The following SPINT2 variants were observed in gnomAD, a reference collection of about 807,000 sequenced individuals.
SPINT2 encodes the protein serine peptidase inhibitor, Kunitz type 2, also known as kunitz-type protease inhibitor 2.
A neutral mutation model predicts 30.1 loss-of-function variants in SPINT2; 18 were observed. That is an observed-to-expected ratio of 0.60 (90% CI 0.41 to 0.89). The LOEUF is 0.89. SPINT2 is among the 40% of genes least tolerant of loss of function. SPINT2 has a pLI of 0.00. For missense variants in SPINT2, 276 were observed against 334.3 expected (o/e 0.83, Z 1.36); for synonymous variants, 139 against 137.9 (o/e 1.01, Z -0.05).
At chr19:38,268,993 T>C (rs1486497631) in intron 1 of SPINT2, among the ~76,000 whole-genome samples, 1 of 152,176 alleles carries the variant, frequency 6.6e-6, no homozygotes, top group Non-Finnish European at 1.5e-5. Flanking sequence ...GCCAGTTAGG[T>C]GTAGTTCTTG....
chr19:38,284,162 G>A (rs1419097260), intron 2 of SPINT2, among the ~76,000 whole-genome samples: 1 of 150,694 alleles, frequency 6.6e-6, no homozygotes, highest in Non-Finnish European at 1.5e-5. Flanking sequence ...TTTAGACAGG[G>A]TCTCACTGCA....
Position 38,290,799 on chromosome 19 carries a change from C to A in SPINT2, c.592+224C>A, listed in dbSNP as rs1054030076. On this transcript the variant is annotated intron_variant, in intron 6 of 6. Coordinates refer to ENST00000301244, the MANE Select transcript of SPINT2 (RefSeq NM_021102.4). This position sits in a 1 kb window ranked among gnomAD's most constrained non-coding sequence, Gnocchi z 4.3. ...AGTCACAAGGCAGGCCCTGCCCAGGCGGCGTGGGTGACTGGGGATGAGGTC... is the reference window on the plus strand; with the variant it reads ...AGTCACAAGGCAGGCCCTGCCCAGGAGGCGTGGGTGACTGGGGATGAGGTC... The A allele has an allele frequency of 1.5e-6, 1 of 654,726 alleles. No homozygotes were observed. The allele number at this position is 654,726 out of a possible 1,614,324, so 40.6% of individuals were successfully genotyped here.
At chr19:38,280,403 C>A (rs568970646) in intron 1 of SPINT2, among the ~76,000 whole-genome samples, 1 of 152,170 alleles carries the variant, frequency 6.6e-6, no homozygotes, top group Non-Finnish European at 1.5e-5. Flanking sequence ...TTTGCTGATT[C>A]ACATCAGCAT....
At chr19:38,267,149 G>A (rs1012750129) in intron 1 of SPINT2, among the ~76,000 whole-genome samples, 7 of 152,206 alleles carry the variant, frequency 4.6e-5, no homozygotes, top group Admixed American at 1.3e-4. Context: ...TGCTGCTGCC[G>A]ACTGGACCTA....
chr19:38,270,450 C>A (rs907409429), intron 1 of SPINT2, among the ~76,000 whole-genome samples: 1 of 152,158 alleles, frequency 6.6e-6, no homozygotes, highest in African/African-American at 2.4e-5. Context: ...AAATAGACCC[C>A]CTCCCCCATC....
chr19:38,270,549 C>T (rs1040437935), intron 1 of SPINT2, among the ~76,000 whole-genome samples: 3 of 152,146 alleles, frequency 2.0e-5, no homozygotes, highest in Non-Finnish European at 2.9e-5. Context: ...GGTTGGTGTG[C>T]TTAGCACTGA....
intron 1 of SPINT2, 56 bp downstream of exon 1, chr19:38,265,054 T>A: frequency 2.5e-5 from 25 of 984,542 alleles, no homozygotes; most frequent in Non-Finnish European, 2.9e-5. Context: ...GGCTCGGGGG[T>A]CAACGGGGGT....
Position 38,290,655 on chromosome 19 carries a change from G to A in SPINT2, c.592+80G>A, listed in dbSNP as rs1968706683. ...CTGAGCTCAGCCCTGCCCAGCTGTG[G>A]TTTACATTATCCTTCACTGTGAACA... is the stretch of plus-strand genomic sequence containing the variant. On this transcript the variant is annotated intron_variant, in intron 6 of 6. Coordinates refer to ENST00000301244, the MANE Select transcript of SPINT2 (RefSeq NM_021102.4). This position sits in a 1 kb window ranked among gnomAD's most constrained non-coding sequence, Gnocchi z 4.3. 8 of 1,532,444 alleles carry A rather than the reference G, an allele frequency of 5.2e-6. No individual in the cohort carries two copies. Among genetic ancestry groups the A allele is most frequent in the Non-Finnish European group, 6.2e-6 (7 of 1,123,942 alleles). The allele number at this position is 1,532,444 out of a possible 1,614,324, so 94.9% of individuals were successfully genotyped here.
At chr19:38,288,399 G>A in intron 3 of SPINT2, 1 of 298,704 alleles carries the variant, frequency 3.3e-6, no homozygotes, top group Non-Finnish European at 6.6e-6. Flanking sequence ...ACTGCAGCTT[G>A]TGATCTCAAG....
intron 1 of SPINT2, among the ~76,000 whole-genome samples, chr19:38,277,263 T>G (rs1280155786): frequency 6.6e-6 from 1 of 151,878 alleles, no homozygotes; most frequent in African/African-American, 2.4e-5. Context: ...TGTTTTTTTG[T>G]TTTTGAGATG....
intron 1 of SPINT2, among the ~76,000 whole-genome samples, chr19:38,280,613 A>G (rs1968569596): frequency 6.6e-6 from 1 of 152,120 alleles, no homozygotes; most frequent in African/African-American, 2.4e-5. Flanking sequence ...TCACCAAGGT[A>G]ACTGCCATCC....
rs879130477 is a variant in SPINT2, at chr19:38,290,355, G to A, written c.553+75G>A. On this transcript the variant is annotated intron_variant, in intron 5 of 6. Transcript: ENST00000301244. This position sits in a 1 kb window ranked among gnomAD's most constrained non-coding sequence, Gnocchi z 4.3. ...GTCCATCTCCCCATCCCTAAAATAT[G>A]AAGGCCTTGGAAATGCTGTTCTTGG... is the stretch of plus-strand genomic sequence containing the variant. The A allele has an allele frequency of 5.1e-6, 8 of 1,582,362 alleles. No homozygotes were observed. The South Asian group carries it at 8.0e-5, about 16-fold the overall frequency.
rs906113526 is a variant in SPINT2 at position 38,264,592 on chromosome 19, T to C, written c.-301T>C. 6 of 332,934 alleles carry C rather than the reference T, an allele frequency of 1.8e-5. No individual in the cohort carries two copies. Among genetic ancestry groups the C allele is most frequent in the East Asian group, 6.0e-5 (1 of 16,542 alleles). 20.6% of individuals were successfully genotyped at this position (332,934 alleles called of 1,614,324 possible). A position where few individuals can be genotyped will look rare whatever the true frequency, so the allele number is the denominator to read the frequency against. ...GCGTTCGCCATTGGCTCTGGCGACC[T>C]CCGCGCGTTGGGAGGTGTAGCGCGG... On this transcript the variant is annotated 5_prime_UTR_variant, in exon 1 of 7. Coordinates refer to ENST00000301244, the MANE Select transcript of SPINT2 (RefSeq NM_021102.4).
chr19:38,268,838 G>C (rs1026395718), intron 1 of SPINT2, among the ~76,000 whole-genome samples: 1 of 151,854 alleles, frequency 6.6e-6, no homozygotes, highest in African/African-American at 2.4e-5. Context: ...CTGCAGATAT[G>C]CAGGATTTTT....
Position 38,292,125 on chromosome 19 carries a change from G to A in SPINT2, c.*119G>A. 1.4e-6 allele frequency: 2 copies of A among 1,412,192 alleles called. No homozygotes were observed. Among genetic ancestry groups the A allele is most frequent in the Non-Finnish European group, 1.9e-6 (2 of 1,035,580 alleles). The allele number at this position is 1,412,192 out of a possible 1,614,324, so 87.5% of individuals were successfully genotyped here. On this transcript the variant is annotated 3_prime_UTR_variant, in exon 7 of 7. Coordinates refer to ENST00000301244, the MANE Select transcript of SPINT2 (RefSeq NM_021102.4). ...AGGGCTGAGGTCTGTTTCTCTGGGA[G>A]GTAGGACGGCTGCTTCCTGGTCTGG...
rs769923895 is a variant in SPINT2 at position 38,292,014 on chromosome 19, G to A, written c.*8G>A. 10 of 1,613,888 alleles carry A rather than the reference G, an allele frequency of 6.2e-6. No individual in the cohort carries two copies. The highest frequency in any genetic ancestry group is 7.6e-6 in the Non-Finnish European group (9 of 1,179,956). ...AACACATATGTCCTGTGACCGCCCT[G>A]TCGCCAAGAGGACTGGGGAAGGGAG... On this transcript the variant is annotated 3_prime_UTR_variant, in exon 7 of 7. Coordinates refer to ENST00000301244, the MANE Select transcript of SPINT2 (RefSeq NM_021102.4).
chr19:38,264,809 C>T lies in SPINT2; in HGVS notation c.-84C>T. 7.2e-7 allele frequency: 1 copy of T among 1,391,954 alleles called. No homozygotes were observed. The highest frequency in any genetic ancestry group is 9.8e-7 in the Non-Finnish European group (1 of 1,022,504). 86.2% of individuals were successfully genotyped at this position (1,391,954 alleles called of 1,614,324 possible). A position where few individuals can be genotyped will look rare whatever the true frequency, so the allele number is the denominator to read the frequency against. ...CCTGAACGCGAGGCGCTCCATTGCG[C>T]GTGCGCGTTGAGGGGCTTCCCGCAC... is the stretch of plus-strand genomic sequence containing the variant. On this transcript the variant is annotated 5_prime_UTR_variant, in exon 1 of 7. Transcript: ENST00000301244.
intron 2 of SPINT2, among the ~76,000 whole-genome samples, chr19:38,284,374 C>T (rs562620978): frequency 6.6e-6 from 1 of 152,200 alleles, no homozygotes; most frequent in Non-Finnish European, 1.5e-5. Context: ...AGATTACAGG[C>T]GTGAGCCACT....
At position 38,264,910 on chromosome 19, in the gene SPINT2, G is replaced by C. The variant is rs1205874130; in HGVS notation, c.18G>C (p.Gly6=). MAQLC[G]LRRSRAFLAL... is the part of the protein sequence containing the mutation. ...AGCTGGCCATGGCGCAGCTGTGCGG[G>C]CTGAGGCGGAGCCGGGCGTTTCTCG... The change falls in exon 1 of 7, where the codon GGG becomes GGC. Residue 6 remains glycine, a synonymous_variant. Coordinates refer to ENST00000301244, the MANE Select transcript of SPINT2 (RefSeq NM_021102.4). The C allele has an allele frequency of 1.4e-5, 22 of 1,535,328 alleles. No individual in the cohort carries two copies. The highest frequency in any genetic ancestry group is 1.9e-5 in the Non-Finnish European group (22 of 1,145,880).
Sources: gnomAD v4.1 joint callset for allele counts (sites outside exome capture counted in the v4.1 genomes callset) on GRCh38, gnomAD v4.1.1 for gene constraint, Gnocchi (gnomAD v3.1) non-coding constraint, MANE v1.5 for transcripts, NCBI Gene and HGNC (gene_info 2026-07-23, HGNC 2026-07-21) for gene names.